Variants in KRABD3 observed in about 807,000 individuals in gnomAD.
KRABD3 encodes KRAB domain-containing protein 3.
At chr7:149,722,683 G>C in the KRABD3 span, 4 of 1,493,542 alleles carry the variant, frequency 2.7e-6, no homozygotes, top group Non-Finnish European at 3.6e-6. Flanking sequence ...GCATTCTCAC[G>C]GGTGGGAATC....
the KRABD3 span, among the ~76,000 whole-genome samples, chr7:149,718,915 A>T: frequency 6.6e-6 from 1 of 152,268 alleles, no homozygotes; most frequent in East Asian, 1.9e-4. Flanking sequence ...AGATAGGAGT[A>T]CAGGGTGTAA....
chr7:149,727,515 C>T, the KRABD3 span, among the ~76,000 whole-genome samples: 1 of 152,248 alleles, frequency 6.6e-6, no homozygotes, highest in East Asian at 1.9e-4. Context: ...CTCCCCTCCT[C>T]CTCCTCACAC....
At chr7:149,728,411 C>T in the KRABD3 span, 2 of 1,260,004 alleles carry the variant, frequency 1.6e-6, no homozygotes, top group Non-Finnish European at 2.2e-6. Flanking sequence ...TGCTCTGTGC[C>T]CAGCACCCCT....
At chr7:149,723,755 G>A in the KRABD3 span, 7 of 1,613,434 alleles carry the variant, frequency 4.3e-6, no homozygotes, top group East Asian at 4.5e-5. Flanking sequence ...GCGGTTTCAG[G>A]GGATTGTCCC....
the KRABD3 span, chr7:149,724,818 C>T: frequency 6.3e-7 from 1 of 1,593,724 alleles, no homozygotes; most frequent in Non-Finnish European, 8.5e-7. Context: ...CCAGAGGGGT[C>T]CCCCAACCCA....
chr7:149,717,435 C>T, the KRABD3 span, among the ~76,000 whole-genome samples: 1 of 152,242 alleles, frequency 6.6e-6, no homozygotes, highest in South Asian at 2.1e-4. Context: ...CTGCATAGAC[C>T]CTGATGTTGG....
the KRABD3 span, chr7:149,725,942 C>T: frequency 6.2e-7 from 1 of 1,600,348 alleles, no homozygotes; most frequent in Admixed American, 1.7e-5. Context: ...TGAGAGATGG[C>T]CCCAGCAGGC....
chr7:149,722,415 G>A, the KRABD3 span: 1 of 1,602,294 alleles, frequency 6.2e-7, no homozygotes, highest in Non-Finnish European at 8.5e-7. Context: ...GTCTTCTCCT[G>A]CAACAGAAAC....
the KRABD3 span, chr7:149,719,745 C>A: frequency 6.7e-7 from 1 of 1,500,446 alleles, no homozygotes; most frequent in Non-Finnish European, 9.0e-7. This position sits in a 1 kb window ranked among gnomAD's most constrained non-coding sequence, Gnocchi z 5.6. Flanking sequence ...AGTCCCTGGA[C>A]CCGGCAGCCT....
At chr7:149,729,088 T>G in the KRABD3 span, 2 of 961,900 alleles carry the variant, frequency 2.1e-6, no homozygotes, top group Non-Finnish European at 2.9e-6. Flanking sequence ...CTGGTGTGCC[T>G]GAGAGCCCAG....
chr7:149,724,278 C>T, the KRABD3 span, among the ~76,000 whole-genome samples: 1 of 152,176 alleles, frequency 6.6e-6, no homozygotes, highest in South Asian at 2.1e-4. Flanking sequence ...CCTAATTATA[C>T]CCACCCAGCC....
the KRABD3 span, chr7:149,722,969 G>A: frequency 6.4e-7 from 1 of 1,554,930 alleles, no homozygotes; most frequent in Non-Finnish European, 8.7e-7. Context: ...GAGTTCTGGG[G>A]CCTCAGGCTG....
the KRABD3 span, chr7:149,724,956 C>T: frequency 1.4e-5 from 13 of 950,588 alleles, no homozygotes; most frequent in East Asian, 3.4e-4. Flanking sequence ...GAGCCGCCCC[C>T]TGGCCTTTCT....
the KRABD3 span, chr7:149,725,507 C>T: frequency 4.4e-6 from 7 of 1,585,684 alleles, no homozygotes; most frequent in African/African-American, 1.4e-5. Context: ...TGGCCATGGG[C>T]GCGGGGTGGC....
the KRABD3 span, chr7:149,719,661 T>C: frequency 6.2e-7 from 1 of 1,606,474 alleles, no homozygotes; most frequent in Non-Finnish European, 8.5e-7. The surrounding 1 kb of genome is among the most constrained non-coding windows in gnomAD (Gnocchi z 5.6). Context: ...TACGAGACGC[T>C]GGTCTCTGTG....
chr7:149,722,400 C>A, the KRABD3 span: 1 of 1,592,058 alleles, frequency 6.3e-7, no homozygotes, highest in East Asian at 2.3e-5. Context: ...TAGAAAGGCC[C>A]TCTTGTCTTC....
At chr7:149,733,672 G>A in the KRABD3 span, 2 of 1,586,482 alleles carry the variant, frequency 1.3e-6, no homozygotes, top group East Asian at 2.3e-5. Flanking sequence ...TCTCCAGAGG[G>A]ACCGCTCGCC....
chr7:149,718,406 T>C, the KRABD3 span, among the ~76,000 whole-genome samples: 19 of 152,286 alleles, frequency 1.2e-4, no homozygotes, highest in South Asian at 3.7e-3. Context: ...ATTTACCTTC[T>C]GTTTGCTTAA....
chr7:149,724,456 A>C, the KRABD3 span, among the ~76,000 whole-genome samples: 1 of 152,156 alleles, frequency 6.6e-6, no homozygotes, highest in African/African-American at 2.4e-5. Context: ...GAGGCACCCC[A>C]AGGGGCCATG....
Sources: gnomAD v4.1 joint callset for allele counts (sites outside exome capture counted in the v4.1 genomes callset) on GRCh38, gnomAD v4.1.1 for gene constraint, Gnocchi (gnomAD v3.1) non-coding constraint, MANE v1.5 for transcripts, NCBI Gene and HGNC (gene_info 2026-07-23, HGNC 2026-07-21) for gene names.